The following PRKN variants were observed in gnomAD, a reference collection of about 807,000 sequenced individuals.
PRKN encodes the protein E3 ubiquitin-protein ligase parkin.
In PRKN, 56 loss-of-function variants were observed where a neutral mutation model predicts 59.5. That is an observed-to-expected ratio of 0.94 (90% CI 0.76 to 1.18). The LOEUF is 1.18. Ranked by LOEUF, PRKN falls within the 50% of genes most tolerant of loss-of-function variation. The pLI is 0.00. For synonymous variants in PRKN, 250 were observed against 222.1 expected (o/e 1.13, Z -1.12); for missense variants, 657 against 596.4 (o/e 1.10, Z -1.06).
intron 1 of PRKN, among the ~76,000 whole-genome samples, chr6:162,480,571 A>G (rs771800172): frequency 5.9e-5 from 9 of 152,160 alleles, no homozygotes; most frequent in Admixed American, 1.3e-4. Flanking sequence ...GACCAGGAGG[A>G]CCGAGTGCTG....
At chr6:161,745,720 C>T (rs138854785) in intron 7 of PRKN, among the ~76,000 whole-genome samples, 57 of 152,226 alleles carry the variant, frequency 3.7e-4, no homozygotes, top group African/African-American at 1.2e-3. Context: ...GGAAGGCAGA[C>T]GGCAAGGGGA....
intron 6 of PRKN, among the ~76,000 whole-genome samples, chr6:161,918,674 G>A (rs934798296): frequency 6.6e-6 from 1 of 152,124 alleles, no homozygotes; most frequent in African/African-American, 2.4e-5. Context: ...TTCTAAGGAA[G>A]GAAAACAAAA....
chr6:162,570,012 A>G (rs1780252296), intron 1 of PRKN, among the ~76,000 whole-genome samples: 1 of 152,264 alleles, frequency 6.6e-6, no homozygotes, highest in Non-Finnish European at 1.5e-5. Context: ...AACAAAGTGA[A>G]GAGACAACCA....
intron 6 of PRKN, among the ~76,000 whole-genome samples, chr6:161,916,788 T>A (rs2128238113): frequency 6.6e-6 from 1 of 152,298 alleles, no homozygotes. Context: ...TCTTTAATTT[T>A]AATTTTTCTT....
chr6:162,164,782 T>C (rs1782908362), intron 4 of PRKN, among the ~76,000 whole-genome samples: 1 of 148,962 alleles, frequency 6.7e-6, no homozygotes, highest in African/African-American at 2.5e-5. Flanking sequence ...AGCTTAATCA[T>C]CTCTAAATCT....
chr6:162,356,745 A>G (rs1784878335), intron 2 of PRKN, among the ~76,000 whole-genome samples: 1 of 110,752 alleles, frequency 9.0e-6, no homozygotes, highest in South Asian at 3.1e-4. Flanking sequence ...TGTGATTATT[A>G]GTAAAAAAAA....
chr6:162,293,232 G>A (rs1181673444), intron 2 of PRKN, among the ~76,000 whole-genome samples: 1 of 152,192 alleles, frequency 6.6e-6, no homozygotes, highest in Non-Finnish European at 1.5e-5. Context: ...AGGCAGAACA[G>A]TGGTGAGGCC....
chr6:161,797,307 A>G (rs1790891782), intron 6 of PRKN, among the ~76,000 whole-genome samples: 1 of 152,166 alleles, frequency 6.6e-6, no homozygotes, highest in South Asian at 2.1e-4. Context: ...GCTGGAGTGC[A>G]GTGGCACGAT....
chr6:161,469,131 T>C (rs1022124513), intron 9 of PRKN, among the ~76,000 whole-genome samples: 5 of 152,192 alleles, frequency 3.3e-5, no homozygotes, highest in African/African-American at 1.2e-4. Context: ...CCCATCCAAA[T>C]GTCACCTTGA....
intron 1 of PRKN, among the ~76,000 whole-genome samples, chr6:162,478,890 G>A (rs1273003191): frequency 1.3e-5 from 2 of 152,154 alleles, no homozygotes; most frequent in Non-Finnish European, 2.9e-5. Flanking sequence ...TAGGAAACAT[G>A]GAGTTTGCAG....
intron 7 of PRKN, among the ~76,000 whole-genome samples, chr6:161,782,076 T>G (rs1304385253): frequency 6.6e-6 from 1 of 152,160 alleles, no homozygotes; most frequent in Non-Finnish European, 1.5e-5. Context: ...CAGATCCCAG[T>G]AATACTCTGA....
chr6:161,621,606 G>A (rs1041363603), intron 7 of PRKN, among the ~76,000 whole-genome samples: 1 of 152,002 alleles, frequency 6.6e-6, no homozygotes, highest in Non-Finnish European at 1.5e-5. Flanking sequence ...AATCCACTTG[G>A]ACTCACATCC....
intron 2 of PRKN, among the ~76,000 whole-genome samples, chr6:162,288,878 G>A (rs1040527874): frequency 2.6e-5 from 4 of 152,186 alleles, no homozygotes; most frequent in Admixed American, 6.5e-5. Flanking sequence ...TGAGCTTGTT[G>A]TCATTTGATC....
At chr6:162,661,710 G>A (rs1198804225) in intron 1 of PRKN, among the ~76,000 whole-genome samples, 3 of 152,106 alleles carry the variant, frequency 2.0e-5, no homozygotes, top group South Asian at 2.1e-4. Flanking sequence ...AATAATCTAC[G>A]CGTATCTATG....
intron 7 of PRKN, among the ~76,000 whole-genome samples, chr6:161,640,522 G>C (rs1046112888): frequency 6.6e-6 from 1 of 152,044 alleles, no homozygotes; most frequent in Non-Finnish European, 1.5e-5. Flanking sequence ...ACGAGATATG[G>C]AATACAAAAT....
At chr6:162,711,623 T>C (rs186501160) in intron 1 of PRKN, among the ~76,000 whole-genome samples, 146 of 152,288 alleles carry the variant, frequency 9.6e-4, no homozygotes, top group African/African-American at 3.3e-3. Context: ...GCTAATGCCA[T>C]GTTTAGCAAT....
intron 1 of PRKN, among the ~76,000 whole-genome samples, chr6:162,715,418 T>C (rs372091886): frequency 2.6e-5 from 4 of 152,286 alleles, no homozygotes; most frequent in African/African-American, 7.2e-5. Context: ...TAGAGGAAAA[T>C]AACTCTGTCA....
chr6:162,417,259 T>C (rs1417834774), intron 2 of PRKN, among the ~76,000 whole-genome samples: 1 of 152,168 alleles, frequency 6.6e-6, no homozygotes, highest in Non-Finnish European at 1.5e-5. Flanking sequence ...ACATGCCAAA[T>C]TCTAAATCAA....
At chr6:161,803,626 T>C (rs1791184910) in intron 6 of PRKN, among the ~76,000 whole-genome samples, 1 of 152,220 alleles carries the variant, frequency 6.6e-6, no homozygotes, top group Non-Finnish European at 1.5e-5. Flanking sequence ...GTGAGAAGGC[T>C]GGACGTAGTG....
Sources: allele counts gnomAD v4.1 joint callset (sites outside exome capture counted in the v4.1 genomes callset), GRCh38; gene constraint gnomAD v4.1.1; transcripts MANE v1.5; gene names NCBI Gene and HGNC (gene_info 2026-07-23, HGNC 2026-07-21).